The following CACNA1B variants were observed in gnomAD, a reference collection of about 807,000 sequenced individuals.
CACNA1B encodes voltage-dependent N-type calcium channel subunit alpha-1B.
A neutral mutation model predicts 247.2 loss-of-function variants in CACNA1B; 70 were observed. The observed-to-expected ratio is 0.28, with a 90% CI of 0.23 to 0.35. CACNA1B has a LOEUF of 0.35. Among genes scored for constraint, CACNA1B ranks in the 10% least tolerant of loss-of-function variants. The probability of loss-of-function intolerance (pLI) is 1.00; values close to 1 mark genes in which losing one functional copy is unlikely to be tolerated. For synonymous variants in CACNA1B, 1,231 were observed against 1,294.4 expected (o/e 0.95, Z 1.05); for missense variants, 2,367 against 3,197.4 (o/e 0.74, Z 6.26).
intron 6 of CACNA1B, among the ~76,000 whole-genome samples, chr9:137,936,584 G>A (rs1204555296): frequency 6.6e-6 from 1 of 152,156 alleles, no homozygotes; most frequent in Admixed American, 6.6e-5. Flanking sequence ...TATTGCCTAG[G>A]TTTTCTTCTA....
At chr9:138,101,356 A>G (rs1183771157) in intron 37 of CACNA1B, among the ~76,000 whole-genome samples, 5 of 152,108 alleles carry the variant, frequency 3.3e-5, no homozygotes, top group African/African-American at 1.2e-4. Flanking sequence ...TTCCCTGTCT[A>G]ATCTCCCCTG....
intron 10 of CACNA1B, among the ~76,000 whole-genome samples, chr9:137,959,197 C>T (rs1427349302): frequency 2.0e-5 from 3 of 151,936 alleles, no homozygotes; most frequent in South Asian, 2.1e-4. Flanking sequence ...CTCAGCAACC[C>T]GAGTAGCTGG....
chr9:138,095,981 A>G (rs959978854), intron 36 of CACNA1B, among the ~76,000 whole-genome samples: 3 of 152,172 alleles, frequency 2.0e-5, no homozygotes, highest in Non-Finnish European at 4.4e-5. Flanking sequence ...CCCAATGTGT[A>G]TGAGGTATTC....
chr9:137,900,602 C>CATG (rs1957225051), intron 3 of CACNA1B, among the ~76,000 whole-genome samples: 1 of 133,100 alleles, frequency 7.5e-6, no homozygotes, highest in African/African-American at 2.9e-5. Flanking sequence ...ATGTCTGTGC[C>CATG]GTGTGTCTCT....
rs937697337 is a variant in CACNA1B at position 137,970,577 on chromosome 9, C to G, written c.1334-806C>G. On this transcript the variant is annotated intron_variant, in intron 10 of 46. Coordinates refer to ENST00000371372, the MANE Select transcript of CACNA1B (RefSeq NM_000718.4). ...TGACAGGTGGTGATGTGGTCAGGGC[C>G]ACTGTCGGAGGTGAGCCGAGGGCCC... Among the ~76,000 whole-genome samples, 32 of 152,280 alleles carry G rather than the reference C, an allele frequency of 2.1e-4. No homozygotes were observed. The East Asian group carries it at 2.7e-3, about 13-fold the overall frequency.
chr9:137,936,014 G>A (rs540666879), intron 6 of CACNA1B, among the ~76,000 whole-genome samples: 188 of 152,262 alleles, frequency 1.2e-3, no homozygotes, highest in African/African-American at 4.2e-3. Flanking sequence ...CTGCCACCAC[G>A]CCCGGCTAAT....
rs59632918 is a variant in CACNA1B at position 137,962,313 on chromosome 9, AT to A, written c.1333+4639del. Among the ~76,000 whole-genome samples, 435 of 128,074 alleles carry A rather than the reference AT, an allele frequency of 3.4e-3. 3 individuals are homozygous for A. The highest frequency in any genetic ancestry group is 0.031 in the East Asian group (147 of 4,700). 84.0% of individuals were successfully genotyped at this position (128,074 alleles called of 152,430 possible). A position where few individuals can be genotyped will look rare whatever the true frequency, so the allele number is the denominator to read the frequency against. Reference sequence around the variant, plus strand: ...AGCTAGTGGTCTATCTATTTTATTAATTTTTTTTTTTTTCAAAAAACTAGCT... The same window carrying A: ...AGCTAGTGGTCTATCTATTTTATTAATTTTTTTTTTTTCAAAAAACTAGCT... On this transcript the variant is annotated intron_variant, in intron 10 of 46. Coordinates refer to ENST00000371372, the MANE Select transcript of CACNA1B (RefSeq NM_000718.4).
chr9:138,119,317 G>A (rs1037551574), intron 44 of CACNA1B, among the ~76,000 whole-genome samples: 30 of 152,146 alleles, frequency 2.0e-4, no homozygotes, highest in East Asian at 9.7e-4. Flanking sequence ...TGTGTTTCCC[G>A]GGGGAGGCTC....
intron 38 of CACNA1B, 50 bp from the exon 39 acceptor site, chr9:138,105,649 G>A (rs758600980): frequency 3.0e-6 from 3 of 989,544 alleles, no homozygotes; most frequent in East Asian, 2.6e-5. Context: ...GTCTTGGGGT[G>A]GGGGGTGACC....
At chr9:138,098,966 A>G (rs1377105470) in intron 37 of CACNA1B, among the ~76,000 whole-genome samples, 2 of 152,274 alleles carry the variant, frequency 1.3e-5, no homozygotes, top group Non-Finnish European at 2.9e-5. Flanking sequence ...TGTCCTGAGC[A>G]GAGCACAGGG....
intron 6 of CACNA1B, among the ~76,000 whole-genome samples, chr9:137,949,111 CT>C (rs1957839125): frequency 2.0e-3 from 3 of 1,514 alleles, no homozygotes; most frequent in Non-Finnish European, 2.8e-3. Context: ...TTTGTGGTGG[CT>C]GTGTGTCCAG....
At chr9:138,101,308 C>A in intron 37 of CACNA1B, 1 of 457,390 alleles carries the variant, frequency 2.2e-6, no homozygotes, top group Non-Finnish European at 4.5e-6. Flanking sequence ...TTCTTTCCTC[C>A]TGTCCTGCCC....
At chr9:138,044,138 T>A (rs1193021789) in intron 21 of CACNA1B, among the ~76,000 whole-genome samples, 1 of 152,146 alleles carries the variant, frequency 6.6e-6, no homozygotes, top group Non-Finnish European at 1.5e-5. Flanking sequence ...GCTCCTCACC[T>A]CCTCTGTGGT....
chr9:137,921,049 T>TGAG (rs10691806), intron 6 of CACNA1B, among the ~76,000 whole-genome samples: 150,731 of 152,214 alleles, frequency 0.99, 74,642 homozygotes, highest in Middle Eastern at 1. Context: ...AACAGCAGGC[T>TGAG]GATGAGCATT....
Position 138,112,504 on chromosome 9 carries a change from G to C in CACNA1B, c.5535G>C (p.Lys1845Asn). The change falls in exon 40 of 47, where the codon AAG (lysine) becomes AAC (asparagine). Residue 1845 changes from lysine (K) to asparagine (N), a missense_variant and splice_region_variant. Lys to Asn is a moderately conservative substitution (Grantham distance 94). Coordinates refer to ENST00000371372, the MANE Select transcript of CACNA1B (RefSeq NM_000718.4). ...TGGACTTGCTGGTACCACCCCATAA[G>C]CGTAAGTGTGAGGGTGAGAAATGCC... ...KTLDLLVPPH[K>N]PDEMTVGKVY... is the part of the protein sequence containing the mutation. 2 of 1,589,640 alleles carry C rather than the reference G, an allele frequency of 1.3e-6. No individual in the cohort carries two copies. The highest frequency in any genetic ancestry group is 1.7e-6 in the Non-Finnish European group (2 of 1,157,694).
At chr9:138,110,561 T>C (rs2131360301) in intron 39 of CACNA1B, among the ~76,000 whole-genome samples, 1 of 152,280 alleles carries the variant, frequency 6.6e-6, no homozygotes, top group East Asian at 1.9e-4. Flanking sequence ...GCTCTGTCTC[T>C]ACAAAAAATA....
rs576127393 is a variant in CACNA1B at position 138,119,352 on chromosome 9, C to T, written c.6030+584C>T. On this transcript the variant is annotated intron_variant, in intron 44 of 46. Transcript: ENST00000371372. ...CCTTCCACAAGGACACTGGGAGGAT[C>T]GCCCCTCCGAGGCCAATCTGGGAAC... Among the ~76,000 whole-genome samples, 24 of 152,234 alleles carry T rather than the reference C, an allele frequency of 1.6e-4. No homozygotes were observed. In the East Asian group the frequency reaches 3.7e-3, roughly 23 times the overall value.
chr9:138,045,898 G>T (rs191689182), intron 21 of CACNA1B, among the ~76,000 whole-genome samples: 3 of 152,140 alleles, frequency 2.0e-5, no homozygotes, highest in African/African-American at 7.2e-5. Flanking sequence ...TTGGGGGTTC[G>T]CAGGTGTGGG....
In CACNA1B at chr9:137,882,667, G is replaced by T. The variant is rs1956941149; in HGVS notation, c.391-77G>T. 9 of 1,542,712 alleles carry T rather than the reference G, an allele frequency of 5.8e-6. No homozygotes were observed. Among genetic ancestry groups the T allele is most frequent in the African/African-American group, 1.4e-5 (1 of 73,508 alleles). ...CTGTGGCCTGCACATGGTGGGGTGG[G>T]GTCCTCACCAACCGTCTCTGCCCGC... On this transcript the variant is annotated intron_variant, in intron 2 of 46. Transcript: ENST00000371372. The surrounding 1 kb of genome is among the most constrained non-coding windows in gnomAD (Gnocchi z 4.0).
Sources: allele counts gnomAD v4.1 joint callset (sites outside exome capture counted in the v4.1 genomes callset), GRCh38; gene constraint gnomAD v4.1.1; non-coding constraint Gnocchi (gnomAD v3.1); transcripts MANE v1.5; gene names NCBI Gene and HGNC (gene_info 2026-07-23, HGNC 2026-07-21).